FRMD4A: variants seen among roughly 807,000 people sequenced by gnomAD.
FRMD4A encodes the protein FERM domain containing 4A.
A neutral mutation model predicts 129.1 loss-of-function variants in FRMD4A; 29 were observed. That is an observed-to-expected ratio of 0.22 (90% CI 0.17 to 0.31). The LOEUF (loss-of-function observed/expected upper bound fraction) is 0.31. Among genes scored for constraint, FRMD4A ranks in the 10% least tolerant of loss-of-function variants. FRMD4A has a pLI of 1.00. For synonymous variants in FRMD4A, 634 were observed against 571.6 expected (o/e 1.11, Z -1.56); for missense variants, 1,272 against 1,375.8 (o/e 0.92, Z 1.19).
In FRMD4A at chr10:13,938,387, G is replaced by A. The variant is rs549148393; in HGVS notation, c.46-79475C>T. Among the ~76,000 whole-genome samples the A allele has an allele frequency of 8.3e-4, 126 of 152,060 alleles. 2 individuals are homozygous for A. The South Asian group carries it at 0.024, about 29-fold the overall frequency. On this transcript the variant is annotated intron_variant, in intron 2 of 24. Transcript: ENST00000357447. ...CTCCCGAATACCTAGGACTACAAGCGCACACCAACATGCCTGGCTAATTTT... is the reference window on the plus strand; with the variant it reads ...CTCCCGAATACCTAGGACTACAAGCACACACCAACATGCCTGGCTAATTTT...
At chr10:13,965,255 T>C (rs2095478506) in intron 2 of FRMD4A, among the ~76,000 whole-genome samples, 1 of 152,154 alleles carries the variant, frequency 6.6e-6, no homozygotes, top group South Asian at 2.1e-4. Context: ...ACCTTGTTCA[T>C]GAAGGACTAG....
chr10:14,094,011 G>C (rs1413961521), intron 2 of FRMD4A, among the ~76,000 whole-genome samples: 1 of 152,230 alleles, frequency 6.6e-6, no homozygotes, highest in Admixed American at 6.5e-5. Flanking sequence ...TGGAGCAGGA[G>C]GATGGAGGCT....
intron 2 of FRMD4A, among the ~76,000 whole-genome samples, chr10:14,064,156 C>G (rs1588895814): frequency 1.3e-5 from 2 of 152,218 alleles, no homozygotes; most frequent in African/African-American, 4.8e-5. Flanking sequence ...TACAGCCCAA[C>G]AGTGGCCAAG....
At chr10:14,300,608 G>A (rs1366837541) in intron 2 of FRMD4A, among the ~76,000 whole-genome samples, 3 of 152,178 alleles carry the variant, frequency 2.0e-5, no homozygotes, top group South Asian at 2.1e-4. Context: ...TTCATGGGAT[G>A]TATAATCTGA....
chr10:14,202,462 C>T (rs185830287), intron 2 of FRMD4A, among the ~76,000 whole-genome samples: 2,820 of 152,080 alleles, frequency 0.019, 63 homozygotes, highest in East Asian at 0.094. Flanking sequence ...GGTGCAGTGG[C>T]GCTATCTCGG....
intron 2 of FRMD4A, among the ~76,000 whole-genome samples, chr10:14,167,661 G>A (rs1841259439): frequency 6.6e-6 from 1 of 152,062 alleles, no homozygotes; most frequent in African/African-American, 2.4e-5. Flanking sequence ...TGTGAGGGAG[G>A]CTTGGAACAA....
At chr10:14,329,681 G>T (rs759734933) in intron 2 of FRMD4A, among the ~76,000 whole-genome samples, 10 of 152,100 alleles carry the variant, frequency 6.6e-5, no homozygotes, top group Non-Finnish European at 1.3e-4. Flanking sequence ...TTCCACAGTT[G>T]CCCTGAGAAG....
chr10:14,310,280 T>A (rs923838436), intron 2 of FRMD4A, among the ~76,000 whole-genome samples: 6 of 152,216 alleles, frequency 3.9e-5, no homozygotes, highest in African/African-American at 1.4e-4. Context: ...ACTCCCTGAA[T>A]GAAGGAGCTC....
At chr10:13,958,462 T>C (rs1485575323) in intron 2 of FRMD4A, among the ~76,000 whole-genome samples, 8 of 151,834 alleles carry the variant, frequency 5.3e-5, no homozygotes, top group Non-Finnish European at 8.8e-5. Flanking sequence ...TTTTTGTATT[T>C]TTAGTAGAGA....
chr10:13,968,278 G>T (rs970047394), intron 2 of FRMD4A, among the ~76,000 whole-genome samples: 2 of 152,158 alleles, frequency 1.3e-5, no homozygotes, highest in Admixed American at 6.5e-5. Flanking sequence ...CATCGCCTTA[G>T]CCAATGAAGA....
intron 9 of FRMD4A, among the ~76,000 whole-genome samples, chr10:13,741,865 T>C (rs1309390906): frequency 1.3e-5 from 2 of 152,180 alleles, no homozygotes; most frequent in African/African-American, 4.8e-5. Context: ...GGTGTTTTTG[T>C]TTTTGTTTTT....
intron 2 of FRMD4A, among the ~76,000 whole-genome samples, chr10:14,312,603 T>G (rs1016171372): frequency 6.6e-6 from 1 of 152,220 alleles, no homozygotes; most frequent in African/African-American, 2.4e-5. Flanking sequence ...CCTAAATGTC[T>G]ATCAATGAGG....
chr10:14,301,091 T>G lies in FRMD4A; in HGVS notation c.45+28967A>C, dbSNP rs376990438. Among the ~76,000 whole-genome samples, 17 of 152,310 alleles carry G rather than the reference T, an allele frequency of 1.1e-4. No individual in the cohort carries two copies. The East Asian group carries it at 3.1e-3, about 28-fold the overall frequency. ...AGTCCCCTGTAAAAACTCTAGATAG[T>G]AAAGATCAAGCGAGATTCTCTGGTT... On this transcript the variant is annotated intron_variant, in intron 2 of 24. Coordinates refer to ENST00000357447, the MANE Select transcript of FRMD4A (RefSeq NM_018027.5).
intron 2 of FRMD4A, among the ~76,000 whole-genome samples, chr10:14,309,878 T>C (rs1217059317): frequency 6.6e-6 from 1 of 152,236 alleles, no homozygotes; most frequent in Admixed American, 6.5e-5. Flanking sequence ...TCTTCAGCTT[T>C]AAATGTAAAG....
chr10:13,836,297 C>T (rs1316961750), intron 3 of FRMD4A, among the ~76,000 whole-genome samples: 1 of 152,162 alleles, frequency 6.6e-6, no homozygotes, highest in African/African-American at 2.4e-5. Context: ...AGCACCGGGC[C>T]AGGATTTTGG....
At chr10:14,044,104 C>T (rs1250230509) in intron 2 of FRMD4A, among the ~76,000 whole-genome samples, 1 of 152,216 alleles carries the variant, frequency 6.6e-6, no homozygotes, top group African/African-American at 2.4e-5. Context: ...GCTGGGATTA[C>T]AGGTATGAAC....
intron 2 of FRMD4A, among the ~76,000 whole-genome samples, chr10:14,315,677 A>T (rs1846713161): frequency 1.3e-5 from 2 of 152,076 alleles, no homozygotes. Flanking sequence ...TTTTTCCTCC[A>T]TTTTTGCTTC....
In FRMD4A at chr10:13,873,218, A is replaced by G. The variant is rs1199504968; in HGVS notation, c.46-14306T>C. Among the ~76,000 whole-genome samples the G allele has an allele frequency of 9.3e-5, 14 of 151,212 alleles. No homozygotes were observed. In the East Asian group the frequency reaches 2.3e-3, roughly 25 times the overall value. On this transcript the variant is annotated intron_variant, in intron 2 of 24. Coordinates refer to ENST00000357447, the MANE Select transcript of FRMD4A (RefSeq NM_018027.5). ...AATAAAAAAATAAAAGAATAGTTAG[A>G]TGGAGACCCCAGACAGACAGTTTTT...
chr10:13,746,599 A>C (rs2091303609), intron 9 of FRMD4A, among the ~76,000 whole-genome samples: 1 of 152,240 alleles, frequency 6.6e-6, no homozygotes, highest in Non-Finnish European at 1.5e-5. Flanking sequence ...CAGACAAGAC[A>C]AAATGCTCAT....
Sources: allele counts gnomAD v4.1 joint callset (sites outside exome capture counted in the v4.1 genomes callset), GRCh38; gene constraint gnomAD v4.1.1; transcripts MANE v1.5; gene names NCBI Gene and HGNC (gene_info 2026-07-23, HGNC 2026-07-21).